Variants in PCDHA3 observed in about 807,000 individuals in gnomAD.
PCDHA3 encodes the protein protocadherin alpha-3.
PCDHA3 carries 41 observed loss-of-function variants against 62.2 expected under a neutral mutation model. The observed-to-expected ratio is 0.66, with a 90% CI of 0.51 to 0.86. The LOEUF (loss-of-function observed/expected upper bound fraction) is 0.86, where lower values mean the gene tolerates loss of function less well. PCDHA3 is among the 40% of genes least tolerant of loss of function. The pLI is 0.00. For synonymous variants in PCDHA3, 640 were observed against 555.4 expected, an observed-to-expected ratio of 1.15 and a Z score of -2.14; for missense variants, 1,304 against 1,241.2, an observed-to-expected ratio of 1.05 and a Z score of -0.76.
rs531996502 is a variant in PCDHA3, at chr5:140,944,251, G to A, written c.2395-34698G>A. Among the ~76,000 whole-genome samples the A allele has an allele frequency of 2.2e-4, 33 of 152,302 alleles. No individual in the cohort carries two copies. In the South Asian group the frequency reaches 6.8e-3, roughly 32 times the overall value. On this transcript the variant is annotated intron_variant, in intron 1 of 3. Transcript: ENST00000522353. ...CGCTCAGGCTGGAGTGCAGTGATGT[G>A]ATCACTGCTCACTGCAGCCTTGACA...
intron 1 of PCDHA3, among the ~76,000 whole-genome samples, chr5:140,806,342 A>C (rs1763719960): frequency 6.6e-6 from 1 of 152,254 alleles, no homozygotes; most frequent in Admixed American, 6.5e-5. Context: ...AGAACAAGCA[A>C]GTACTTATAA....
intron 3 of PCDHA3, among the ~76,000 whole-genome samples, chr5:141,005,544 A>G (rs1197838847): frequency 6.6e-6 from 1 of 151,492 alleles, no homozygotes; most frequent in Non-Finnish European, 1.5e-5. Flanking sequence ...TCTACTAAAA[A>G]TACAAAAATT....
chr5:140,857,544 G>T (rs1408742148), intron 1 of PCDHA3: 1 of 1,596,898 alleles, frequency 6.3e-7, no homozygotes, highest in Non-Finnish European at 8.6e-7. Flanking sequence ...CGGCGGTTGG[G>T]CGAGCGCTCG....
At chr5:140,900,807 A>G (rs868976984) in intron 1 of PCDHA3, among the ~76,000 whole-genome samples, 1 of 152,176 alleles carries the variant, frequency 6.6e-6, no homozygotes, top group South Asian at 2.1e-4. Flanking sequence ...TAGTGCTTGT[A>G]CTAATTTACA....
chr5:140,869,564 T>A, intron 1 of PCDHA3: 2 of 1,614,176 alleles, frequency 1.2e-6, no homozygotes, highest in South Asian at 2.2e-5. Context: ...CGTTTTCCAC[T>A]AGAGGGAGCT....
At chr5:140,976,007 A>G (rs546477565) in intron 1 of PCDHA3, among the ~76,000 whole-genome samples, 55 of 152,354 alleles carry the variant, frequency 3.6e-4, no homozygotes, top group African/African-American at 1.3e-3. Flanking sequence ...TAAGTATTAA[A>G]GAACTAAATA....
At chr5:140,927,147 G>T (rs1554204095) in intron 1 of PCDHA3, 5 of 1,614,162 alleles carry the variant, frequency 3.1e-6, no homozygotes, top group Non-Finnish European at 4.2e-6. Context: ...ACCGCGAACA[G>T]CTGTGCAGGG....
chr5:140,858,015 C>T lies in PCDHA3; in HGVS notation c.2394+54424C>T, dbSNP rs781847343. ...GTGCTGGTGAAGGACCATGGCGAGC[C>T]GTCGCTGACGGCCACGGCCACTGTG... On this transcript the variant is annotated intron_variant, in intron 1 of 3. Transcript: ENST00000522353. The T allele has an allele frequency of 2.6e-5, 41 of 1,596,884 alleles. 4 individuals carry two copies. Among genetic ancestry groups the T allele is most frequent in the South Asian group, 1.2e-4 (11 of 90,482 alleles).
chr5:140,882,046 TACTTAC>T lies in PCDHA3; in HGVS notation c.2394+78464_2394+78469del, dbSNP rs2058922100. The T allele has an allele frequency of 1.6e-5, 12 of 728,060 alleles. No homozygotes were observed. In the South Asian group the frequency reaches 2.5e-4, roughly 15 times the overall value. 45.1% of individuals were successfully genotyped at this position (728,060 alleles called of 1,614,324 possible). ...AATGGAAAATATGAAGACTGAGTCA[TACTTAC>T]ACTTACACGTTCATGCGCATGGTGT... is the stretch of plus-strand genomic sequence containing the variant. On this transcript the variant is annotated intron_variant, in intron 1 of 3. Coordinates refer to ENST00000522353, the MANE Select transcript of PCDHA3 (RefSeq NM_018906.3).
chr5:140,842,850 T>G (rs2150346345), intron 1 of PCDHA3: 1 of 1,593,838 alleles, frequency 6.3e-7, no homozygotes, highest in Non-Finnish European at 8.6e-7. Flanking sequence ...TACATTTCGG[T>G]GCACACGGAG....
chr5:140,885,207 T>C (rs1405388039), intron 1 of PCDHA3, among the ~76,000 whole-genome samples: 1 of 152,140 alleles, frequency 6.6e-6, no homozygotes, highest in Admixed American at 6.5e-5. Context: ...ATATATCCCA[T>C]GAAAAATATC....
chr5:140,890,190 A>C (rs1213958471), intron 1 of PCDHA3, among the ~76,000 whole-genome samples: 3 of 152,084 alleles, frequency 2.0e-5, no homozygotes, highest in Middle Eastern at 3.2e-3. Flanking sequence ...TACAAAACAG[A>C]GTTTTTTGTT....
chr5:140,978,103 A>T (rs2096789005), intron 1 of PCDHA3, among the ~76,000 whole-genome samples: 1 of 152,106 alleles, frequency 6.6e-6, no homozygotes, highest in South Asian at 2.1e-4. Context: ...AACTCCCCCA[A>T]CAGTCTTTAA....
At chr5:140,969,241 A>G (rs1554231627) in intron 1 of PCDHA3, 2 of 1,614,230 alleles carry the variant, frequency 1.2e-6, no homozygotes, top group Admixed American at 3.3e-5. Context: ...CCCAAGCAGC[A>G]GTGACTGACA....
chr5:140,899,123 A>T (rs1190536862), intron 1 of PCDHA3, among the ~76,000 whole-genome samples: 6 of 152,240 alleles, frequency 3.9e-5, no homozygotes, highest in Non-Finnish European at 7.3e-5. Flanking sequence ...ATATACAATC[A>T]TGTCTTCTGC....
rs1472597239 is a variant in PCDHA3, at chr5:140,928,524, TG to T, written c.2395-50424del. 16 of 1,614,070 alleles carry T rather than the reference TG, an allele frequency of 9.9e-6. No individual in the cohort carries two copies. The African/African-American group carries it at 2.1e-4, about 22-fold the overall frequency. On this transcript the variant is annotated intron_variant, in intron 1 of 3. Transcript: ENST00000522353. Reference sequence around the variant, plus strand: ...GTGCAACAGTGACTATAAACTTGTTTGTGGTAGATAGGAATGACAATTATCC... The same window carrying T: ...GTGCAACAGTGACTATAAACTTGTTTTGGTAGATAGGAATGACAATTATCC...
intron 1 of PCDHA3, chr5:140,967,958 C>A (rs202159883): frequency 6.2e-7 from 1 of 1,614,182 alleles, no homozygotes; most frequent in Non-Finnish European, 8.5e-7. Context: ...AGGCCCCAAC[C>A]GGAAAGTGAG....
chr5:140,969,680 G>A (rs2096353475), intron 1 of PCDHA3, among the ~76,000 whole-genome samples: 1 of 152,204 alleles, frequency 6.6e-6, no homozygotes, highest in African/African-American at 2.4e-5. Context: ...TGAGACTCAA[G>A]GAGAAATGGC....
chr5:140,857,982 G>C lies in PCDHA3; in HGVS notation c.2394+54391G>C, dbSNP rs782329809. The C allele has an allele frequency of 6.9e-6, 11 of 1,596,698 alleles. No individual in the cohort carries two copies. In the Admixed American group the frequency reaches 1.9e-4, roughly 27 times the overall value. ...GATGAGACTGACTCGCCACGCCAGC[G>C]CCTACTGGTGCTGGTGAAGGACCAT... On this transcript the variant is annotated intron_variant, in intron 1 of 3. Transcript: ENST00000522353.
Sources: allele counts gnomAD v4.1 joint callset (sites outside exome capture counted in the v4.1 genomes callset), GRCh38; gene constraint gnomAD v4.1.1; transcripts MANE v1.5; gene names NCBI Gene and HGNC (gene_info 2026-07-23, HGNC 2026-07-21).